The following CREM variants were observed in gnomAD, a reference collection of about 807,000 sequenced individuals.
CREM encodes cAMP responsive element modulator.
Under a neutral mutation model 37.3 loss-of-function variants are expected in CREM, and 13 were observed. That is an observed-to-expected ratio of 0.35 (90% confidence interval 0.23 to 0.55). The LOEUF (loss-of-function observed/expected upper bound fraction) is 0.55. Ranked by LOEUF, CREM falls within the 20% of genes least tolerant of loss-of-function variation. CREM has a pLI of 0.88. For missense variants in CREM, 296 were observed against 362.3 expected (o/e 0.82, Z 1.49); for synonymous variants, 124 against 120.2 (o/e 1.03, Z -0.21).
At position 35,169,965 on chromosome 10, in the gene CREM, C is replaced by CTT. The variant is rs71033381; in HGVS notation, c.169-8910_169-8909dup. Reference sequence around the variant, plus strand: ...AGCCCATTTGATCATGGTGGAGAAGCTTTTTTTTTTTTTTTGAGATGGAGT... The same window carrying CTT: ...AGCCCATTTGATCATGGTGGAGAAGCTTTTTTTTTTTTTTTTTGAGATGGAGT... On this transcript the variant is annotated intron_variant, in intron 3 of 7. Coordinates refer to ENST00000685392, the MANE Select transcript of CREM (RefSeq NM_183011.2). 9.5e-3 allele frequency among the ~76,000 whole-genome samples: 1,294 copies of CTT among 135,524 alleles called. 58 individuals carry two copies. In the South Asian group the frequency reaches 0.13, roughly 13 times the overall value. The allele number at this position is 135,524 out of a possible 152,430, so 88.9% of individuals were successfully genotyped here.
At chr10:35,167,481 A>G in intron 3 of CREM, 1 of 484,856 alleles carries the variant, frequency 2.1e-6, no homozygotes. Flanking sequence ...CAGGCCTAGT[A>G]GCTTTGTGAC....
At chr10:35,187,725 G>A (rs188343819) in intron 5 of CREM, among the ~76,000 whole-genome samples, 3 of 151,658 alleles carry the variant, frequency 2.0e-5, no homozygotes, top group African/African-American at 4.8e-5. Context: ...GGCTGGCCTT[G>A]AACTCCTGGG....
chr10:35,131,800 C>T (rs772147841), intron 1 of CREM, among the ~76,000 whole-genome samples: 42 of 151,990 alleles, frequency 2.8e-4, no homozygotes, highest in Non-Finnish European at 4.6e-4. Flanking sequence ...ATACTTAATA[C>T]GTAGATATGT....
chr10:35,142,573 G>T (rs375561339), intron 2 of CREM, among the ~76,000 whole-genome samples: 1 of 152,120 alleles, frequency 6.6e-6, no homozygotes, highest in South Asian at 2.1e-4. Flanking sequence ...TCAGTTTGCC[G>T]CCCATTTGAG....
At chr10:35,137,974 A>G (rs2090834001) in intron 2 of CREM, 95 bp downstream of exon 2, 2 of 814,842 alleles carry the variant, frequency 2.5e-6, no homozygotes, top group Non-Finnish European at 3.7e-6. Context: ...ACATACATGT[A>G]TGTATGTATA....
chr10:35,164,341 G>GT (rs969327806), intron 3 of CREM, among the ~76,000 whole-genome samples: 35 of 152,204 alleles, frequency 2.3e-4, no homozygotes, highest in African/African-American at 8.2e-4. Flanking sequence ...GCTTATGCTG[G>GT]TTTTAAAATA....
chr10:35,193,919 G>A (rs2095029627), intron 6 of CREM, among the ~76,000 whole-genome samples: 1 of 151,650 alleles, frequency 6.6e-6, no homozygotes, highest in Non-Finnish European at 1.5e-5. Context: ...GGCCAACATG[G>A]TGAAACCCCG....
chr10:35,188,966 A>G (rs2094781892), intron 6 of CREM, among the ~76,000 whole-genome samples: 1 of 151,932 alleles, frequency 6.6e-6, no homozygotes, highest in African/African-American at 2.4e-5. Context: ...GAGCCACCGC[A>G]CCCGGCCACA....
chr10:35,167,741 C>T (rs1283170426), intron 3 of CREM: 4 of 1,613,900 alleles, frequency 2.5e-6, no homozygotes, highest in Non-Finnish European at 3.4e-6. Context: ...GTGGCATCAG[C>T]ATAATCTATG....
chr10:35,203,743 TA>T (rs1394524261), intron 6 of CREM, among the ~76,000 whole-genome samples: 1 of 152,152 alleles, frequency 6.6e-6, no homozygotes, highest in African/African-American at 2.4e-5. Flanking sequence ...TGTTTTTTTT[TA>T]AACTAGCTTT....
intron 2 of CREM, among the ~76,000 whole-genome samples, chr10:35,142,722 C>T (rs917227118): frequency 6.6e-6 from 1 of 152,186 alleles, no homozygotes; most frequent in African/African-American, 2.4e-5. Flanking sequence ...CCTTCCATCT[C>T]ACCCTCCTGA....
rs7922030 is a variant in CREM, at chr10:35,208,605, C to G, written c.755+1554C>G. 8.9e-3 allele frequency among the ~76,000 whole-genome samples: 1,359 copies of G among 152,274 alleles called. 22 individuals are homozygous for G. Among genetic ancestry groups the G allele is most frequent in the African/African-American group, 0.031 (1,292 of 41,538 alleles). On this transcript the variant is annotated intron_variant, in intron 7 of 7. Transcript: ENST00000685392. Reference sequence around the variant, plus strand: ...TATCAAGGGCCCAGACTCCCGCTCCCGGCTGTGTCATCTTCAGCATGTATC... The same window carrying G: ...TATCAAGGGCCCAGACTCCCGCTCCGGGCTGTGTCATCTTCAGCATGTATC...
intron 3 of CREM, among the ~76,000 whole-genome samples, chr10:35,170,138 G>T (rs1266784166): frequency 1.3e-5 from 2 of 151,786 alleles, no homozygotes; most frequent in East Asian, 1.9e-4. Context: ...AATTTTTTTT[G>T]TATTTTTTAG....
intron 3 of CREM, among the ~76,000 whole-genome samples, chr10:35,149,112 T>C (rs1177160222): frequency 6.6e-6 from 1 of 152,212 alleles, no homozygotes; most frequent in Non-Finnish European, 1.5e-5. Context: ...ACAGATATTT[T>C]AGCAATAATT....
chr10:35,190,089 A>G (rs895341580), intron 6 of CREM, among the ~76,000 whole-genome samples: 1 of 152,238 alleles, frequency 6.6e-6, no homozygotes, highest in African/African-American at 2.4e-5. Flanking sequence ...AATCTTAAAG[A>G]ATAATTATTT....
At chr10:35,192,591 C>T (rs370727210) in intron 6 of CREM, among the ~76,000 whole-genome samples, 12 of 152,136 alleles carry the variant, frequency 7.9e-5, no homozygotes, top group East Asian at 1.9e-4. Context: ...TTAGGTAATC[C>T]GTCCATCTCG....
At chr10:35,167,358 A>G (rs1362836550) in intron 3 of CREM, among the ~76,000 whole-genome samples, 1 of 152,188 alleles carries the variant, frequency 6.6e-6, no homozygotes, top group Non-Finnish European at 1.5e-5. Flanking sequence ...GTGTATTTTT[A>G]TTGTAGTCCT....
intron 6 of CREM, among the ~76,000 whole-genome samples, chr10:35,190,193 G>C (rs974877480): frequency 1.3e-5 from 2 of 152,166 alleles, no homozygotes; most frequent in East Asian, 1.9e-4. Context: ...ACGTAAGTTT[G>C]TGCCTTGGGG....
At chr10:35,187,208 ATT>A (rs1491159920) in intron 5 of CREM, among the ~76,000 whole-genome samples, 6 of 73,528 alleles carry the variant, frequency 8.2e-5, no homozygotes, top group East Asian at 4.1e-4. Flanking sequence ...TATAATATAT[ATT>A]ATATATTTAT....
Sources: allele counts gnomAD v4.1 joint callset (sites outside exome capture counted in the v4.1 genomes callset), GRCh38; gene constraint gnomAD v4.1.1; transcripts MANE v1.5; gene names NCBI Gene and HGNC (gene_info 2026-07-23, HGNC 2026-07-21).